Variants in NCCRP1 observed in about 807,000 individuals in gnomAD.
The protein encoded by NCCRP1 is NCCRP1, F-box associated domain containing, also known as F-box only protein 50.
Under a neutral mutation model 34.4 loss-of-function variants are expected in NCCRP1, and 32 were observed. The ratio of observed to expected loss-of-function variants is 0.93; its 90% CI spans 0.70 to 1.25. The LOEUF (loss-of-function observed/expected upper bound fraction) is 1.25. Among genes scored for constraint, NCCRP1 ranks in the 50% most tolerant of loss-of-function variants. The probability of loss-of-function intolerance (pLI) is 0.00; values close to 1 mark genes in which losing one functional copy is unlikely to be tolerated. For missense variants in NCCRP1, 372 were observed against 391.8 expected (o/e 0.95, Z 0.43); for synonymous variants, 172 against 180.1 (o/e 0.95, Z 0.36).
chr19:39,197,289 C>T lies in NCCRP1; in HGVS notation c.307C>T (p.Arg103Cys). The change falls in exon 1 of 6, where the codon CGC becomes TGC. Residue 103 changes from arginine (R) to cysteine (C), a missense_variant. By Grantham distance (180) the Arg-to-Cys change is radical. Transcript: ENST00000339852. ...GCTCCTGTTGCGGCGGCCGCTCTAC[C>T]GCAACCTGCTGCGCTCGCCCAACCC... ...KLLLLRRPLYRNLLRSPNPEG... is the reference protein window; with the variant it reads ...KLLLLRRPLYCNLLRSPNPEG... The T allele has an allele frequency of 6.7e-7, 1 of 1,488,624 alleles. No homozygotes were observed. Among genetic ancestry groups the T allele is most frequent in the Non-Finnish European group, 8.9e-7 (1 of 1,129,688 alleles). 92.2% of individuals were successfully genotyped at this position (1,488,624 alleles called of 1,614,324 possible). A position where few individuals can be genotyped will look rare whatever the true frequency, so the allele number is the denominator to read the frequency against.
Position 39,197,132 on chromosome 19 carries a change from C to G in NCCRP1, c.150C>G (p.Pro50=). 6.6e-7 allele frequency: 1 copy of G among 1,512,728 alleles called. No individual in the cohort carries two copies. The highest frequency in any genetic ancestry group is 8.8e-7 in the Non-Finnish European group (1 of 1,138,134). The allele number at this position is 1,512,728 out of a possible 1,614,324, so 93.7% of individuals were successfully genotyped here. ...CCTCGCCGCCGTCGCTGCCATCGCC[C>G]GCAGCCCCGGAGGCCCCCGAGCTCC... The part of the protein sequence containing the change: ...PLPSPPSLPS[P]AAPEAPELPE... Residue 50 remains proline (P), a synonymous_variant, in exon 1 of 6, where the codon CCC becomes CCG. Coordinates refer to ENST00000339852, the MANE Select transcript of NCCRP1 (RefSeq NM_001001414.2).
intron 1 of NCCRP1, 129 bp downstream of exon 1, chr19:39,197,448 C>CT (rs2074767672): frequency 2.5e-6 from 2 of 816,220 alleles, no homozygotes; most frequent in African/African-American, 3.6e-5. Flanking sequence ...CCCTCTGTCT[C>CT]TTTTTCTGTC....
In NCCRP1 at chr19:39,199,181, A is replaced by G. The variant is rs1475143940; in HGVS notation, c.464A>G (p.Lys155Arg). 1 of 1,614,094 alleles carries G rather than the reference A, an allele frequency of 6.2e-7. No individual in the cohort carries two copies. Among genetic ancestry groups the G allele is most frequent in the East Asian group, 2.2e-5 (1 of 44,882 alleles). The change falls in exon 4 of 6, where the codon AAG becomes AGG. Residue 155 changes from lysine to arginine, a missense_variant. Physicochemically the swap from Lys to Arg is conservative, Grantham distance 26. Transcript: ENST00000339852. ...CCCTTCTTTCACAGCTGGACAGTGA[A>G]GCAGCAGTGTGTGGACCTTCTGGCC... ...KLQQNQSWTV[K>R]QQCVDLLAEG...
intron 1 of NCCRP1, among the ~76,000 whole-genome samples, chr19:39,197,594 C>G (rs1394461939): frequency 1.3e-5 from 2 of 152,182 alleles, no homozygotes; most frequent in East Asian, 3.9e-4. Context: ...GTTTCTGTCT[C>G]TTGAGACGGA....
At chr19:39,199,024 C>G in intron 3 of NCCRP1, 146 bp from the exon 4 acceptor site, 1 of 673,218 alleles carries the variant, frequency 1.5e-6, no homozygotes, top group Non-Finnish European at 2.6e-6. Context: ...CAGAGGGGCC[C>G]GTGGGAACTG....
Position 39,198,185 on chromosome 19 carries a change from T to G in NCCRP1, c.401-17T>G. 6.2e-7 allele frequency: 1 copy of G among 1,614,180 alleles called. No homozygotes were observed. The highest frequency in any genetic ancestry group is 8.5e-7 in the Non-Finnish European group (1 of 1,180,032). ...CCAGCGTTGGGGTGTCCTAACCCTT[T>G]GCTCCCCAACCTGCAGGCAATTTCC... is the stretch of plus-strand genomic sequence containing the variant. On this transcript the variant is annotated splice_polypyrimidine_tract_variant and intron_variant, in intron 2 of 5. Transcript: ENST00000339852.
At chr19:39,197,988 G>T (rs1401137360) in intron 1 of NCCRP1, 65 bp from the exon 2 acceptor site, 2 of 1,569,552 alleles carry the variant, frequency 1.3e-6, no homozygotes, top group Admixed American at 3.3e-5. Context: ...CCTGCGGGTA[G>T]GGAGGGGTGA....
chr19:39,200,814 C>T lies in NCCRP1; in HGVS notation c.*58C>T. 10 of 1,551,866 alleles carry T rather than the reference C, an allele frequency of 6.4e-6. No homozygotes were observed. Among genetic ancestry groups the T allele is most frequent in the Non-Finnish European group, 8.7e-6 (10 of 1,154,996 alleles). On this transcript the variant is annotated 3_prime_UTR_variant, in exon 6 of 6. Transcript: ENST00000339852. This position sits in a 1 kb window ranked among gnomAD's most constrained non-coding sequence, Gnocchi z 5.8. ...CCTCCCTGACCTTTAGGAGCCCCAACTCTTAGTCACCTCCTAGGCCTCTTA... is the reference window on the plus strand; with the variant it reads ...CCTCCCTGACCTTTAGGAGCCCCAATTCTTAGTCACCTCCTAGGCCTCTTA...
Position 39,200,905 on chromosome 19 carries a change from A to G in NCCRP1, c.*149A>G, listed in dbSNP as rs113281917. The G allele has an allele frequency of 2.4e-5, 24 of 986,352 alleles. 1 individual carries two copies. The African/African-American group carries it at 2.6e-4, about 11-fold the overall frequency. 61.1% of individuals were successfully genotyped at this position (986,352 alleles called of 1,614,324 possible). A position where few individuals can be genotyped will look rare whatever the true frequency, so the allele number is the denominator to read the frequency against. On this transcript the variant is annotated 3_prime_UTR_variant, in exon 6 of 6. Coordinates refer to ENST00000339852, the MANE Select transcript of NCCRP1 (RefSeq NM_001001414.2). The surrounding 1 kb of genome is among the most constrained non-coding windows in gnomAD (Gnocchi z 5.8). ...CACACACCCTTAAGCGGTGGACTCC[A>G]GCATTTTCCCAGCACTGTCTGAGCC...
In NCCRP1 at chr19:39,197,303, C is replaced by A; in HGVS notation, c.321C>A (p.Arg107=). 6.8e-7 allele frequency: 1 copy of A among 1,477,010 alleles called. No homozygotes were observed. Among genetic ancestry groups the A allele is most frequent in the Non-Finnish European group, 8.9e-7 (1 of 1,124,764 alleles). The allele number at this position is 1,477,010 out of a possible 1,614,324, so 91.5% of individuals were successfully genotyped here. A position where few individuals can be genotyped will look rare whatever the true frequency, so the allele number is the denominator to read the frequency against. The change falls in exon 1 of 6, where the codon CGC becomes CGA. Residue 107 remains arginine, a synonymous_variant. Coordinates refer to ENST00000339852, the MANE Select transcript of NCCRP1 (RefSeq NM_001001414.2). ...LRRPLYRNLL[R]SPNPEGINIY... is the part of the protein sequence containing the mutation. The stretch of plus-strand genomic sequence containing the variant: ...GGCCGCTCTACCGCAACCTGCTGCG[C>A]TCGCCCAACCCCGAAGGTGCGCAAG...
chr19:39,197,933 G>T (rs2074769797), intron 1 of NCCRP1, 120 bp from the exon 2 acceptor site: 1 of 1,176,324 alleles, frequency 8.5e-7, no homozygotes, highest in Non-Finnish European at 1.3e-6. Flanking sequence ...ATCCCTGCCG[G>T]GCTTCCCTGA....
intron 4 of NCCRP1, 65 bp downstream of exon 4, chr19:39,199,330 T>C: frequency 7.0e-7 from 1 of 1,435,488 alleles, no homozygotes; most frequent in Admixed American, 1.8e-5. Context: ...GCATGAGCCT[T>C]ACTCTGAGCT....
At chr19:39,199,527 T>G (rs2074779078) in intron 4 of NCCRP1, among the ~76,000 whole-genome samples, 1 of 133,274 alleles carries the variant, frequency 7.5e-6, no homozygotes, top group Non-Finnish European at 1.6e-5. Context: ...TTTTTTTTTT[T>G]TTTTTTGAGA....
intron 2 of NCCRP1, 40 bp from the exon 3 acceptor site, chr19:39,198,162 A>C (rs1485967685): frequency 6.2e-7 from 1 of 1,614,132 alleles, no homozygotes; most frequent in East Asian, 2.2e-5. Flanking sequence ...AGGGTCCTCC[A>C]GCGTTGGGGT....
At chr19:39,199,086 C>T in intron 3 of NCCRP1, 84 bp from the exon 4 acceptor site, 1 of 1,329,382 alleles carries the variant, frequency 7.5e-7, no homozygotes, top group East Asian at 2.3e-5. Context: ...CAAGCTATCC[C>T]TAAGAAAGCA....
Position 39,200,585 on chromosome 19 carries a change from T to A in NCCRP1, c.688-31T>A. The A allele has an allele frequency of 1.9e-6, 3 of 1,612,344 alleles. No individual in the cohort carries two copies. The highest frequency in any genetic ancestry group is 2.5e-6 in the Non-Finnish European group (3 of 1,179,282). ...AGGTCCGCGGGTCCTCAAAAAGGGC[T>A]CCTCCCTAACCCCAGGTGCTGTCAC... On this transcript the variant is annotated intron_variant, in intron 5 of 5. Transcript: ENST00000339852. This position sits in a 1 kb window ranked among gnomAD's most constrained non-coding sequence, Gnocchi z 5.8.
At position 39,200,499 on chromosome 19, in the gene NCCRP1, G is replaced by T. The variant is rs755253469; in HGVS notation, c.687+15G>T. The T allele has an allele frequency of 3.7e-6, 6 of 1,611,830 alleles. No individual in the cohort carries two copies. Among genetic ancestry groups the T allele is most frequent in the Non-Finnish European group, 5.1e-6 (6 of 1,179,426 alleles). On this transcript the variant is annotated intron_variant, in intron 5 of 5. Transcript: ENST00000339852. This position sits in a 1 kb window ranked among gnomAD's most constrained non-coding sequence, Gnocchi z 5.8. ...GCTGGGTCCAGGTGAGACTCTCCGC[G>T]CCGGGGCCCTCAACCCCAGACGTGT...
chr19:39,197,459 A>G, intron 1 of NCCRP1, 140 bp downstream of exon 1: 1 of 741,460 alleles, frequency 1.3e-6, no homozygotes, highest in East Asian at 3.3e-5. Context: ...TTTTTCTGTC[A>G]TTGTGCCTCT....
chr19:39,199,933 G>A (rs1282221243), intron 4 of NCCRP1, among the ~76,000 whole-genome samples: 1 of 151,996 alleles, frequency 6.6e-6, no homozygotes, highest in Admixed American at 6.6e-5. Context: ...CCTCAGCTGG[G>A]TCACGTGCAT....
Sources: gnomAD v4.1 joint callset for allele counts (sites outside exome capture counted in the v4.1 genomes callset) on GRCh38, gnomAD v4.1.1 for gene constraint, Gnocchi (gnomAD v3.1) non-coding constraint, MANE v1.5 for transcripts, NCBI Gene and HGNC (gene_info 2026-07-23, HGNC 2026-07-21) for gene names.